PDE4B: variants seen among roughly 807,000 people sequenced by gnomAD.
The protein encoded by PDE4B is phosphodiesterase 4B.
Under a neutral mutation model 82.2 loss-of-function variants are expected in PDE4B, and 20 were observed. The ratio of observed to expected loss-of-function variants is 0.24; its 90% confidence interval spans 0.17 to 0.35. The LOEUF (loss-of-function observed/expected upper bound fraction) is 0.35, where lower values mean the gene tolerates loss of function less well. Ranked by LOEUF, PDE4B falls within the 10% of genes least tolerant of loss-of-function variation. The pLI is 1.00. For missense variants in PDE4B, 655 were observed against 907.2 expected (o/e 0.72, Z 3.57); for synonymous variants, 320 against 318.9 (o/e 1.00, Z -0.04).
At chr1:65,996,562 G>C (rs1038932767) in intron 3 of PDE4B, among the ~76,000 whole-genome samples, 2 of 152,056 alleles carry the variant, frequency 1.3e-5, no homozygotes, top group African/African-American at 4.8e-5. Flanking sequence ...TAGAATGTCT[G>C]CATATGTTAT....
chr1:65,904,583 ATAC>A (rs1242415585), intron 1 of PDE4B, among the ~76,000 whole-genome samples: 1 of 152,022 alleles, frequency 6.6e-6, no homozygotes, highest in African/African-American at 2.4e-5. Context: ...TTGTTCTGAA[ATAC>A]TACTTTTATT....
chr1:65,865,420 G>A (rs944796707), intron 1 of PDE4B, among the ~76,000 whole-genome samples: 13 of 152,062 alleles, frequency 8.5e-5, no homozygotes, highest in African/African-American at 3.1e-4. Context: ...AGGTGCCTCT[G>A]GGGGGTGGCG....
rs560133016 is a variant in PDE4B at position 65,971,603 on chromosome 1, T to A, written c.281+52768T>A. The stretch of plus-strand genomic sequence containing the variant: ...CACATTTGTAGCCACCAGCATAGTT[T>A]GGAGAATGATATGTAGTGGAAGTGA... On this transcript the variant is annotated intron_variant, in intron 3 of 16. Coordinates refer to ENST00000341517, the MANE Select transcript of PDE4B (RefSeq NM_002600.4). Among the ~76,000 whole-genome samples, 11 of 152,310 alleles carry A rather than the reference T, an allele frequency of 7.2e-5. No individual in the cohort carries two copies. In the South Asian group the frequency reaches 2.3e-3, roughly 32 times the overall value.
intron 3 of PDE4B, among the ~76,000 whole-genome samples, chr1:66,233,839 A>T (rs76258499): frequency 1.3e-3 from 200 of 152,112 alleles, no homozygotes; most frequent in Non-Finnish European, 2.5e-3. Context: ...TTTGTCTGTT[A>T]TAACAACCTT....
intron 8 of PDE4B, among the ~76,000 whole-genome samples, chr1:66,343,945 G>A (rs766503834): frequency 2.0e-5 from 3 of 151,728 alleles, no homozygotes; most frequent in Non-Finnish European, 2.9e-5. Context: ...GTATACTTTT[G>A]TATGATGGTG....
chr1:65,861,431 T>C (rs1041437730), intron 1 of PDE4B, among the ~76,000 whole-genome samples: 3 of 152,228 alleles, frequency 2.0e-5, no homozygotes, highest in African/African-American at 7.2e-5. Context: ...ACCAGTACCA[T>C]GCTGTTTTGG....
chr1:66,193,613 G>C (rs1202709583), intron 3 of PDE4B, among the ~76,000 whole-genome samples: 1 of 152,124 alleles, frequency 6.6e-6, no homozygotes, highest in African/African-American at 2.4e-5. Context: ...AGCTTAATGC[G>C]TGAAAAGGAC....
At chr1:66,138,289 T>G (rs188640201) in intron 3 of PDE4B, among the ~76,000 whole-genome samples, 3 of 152,086 alleles carry the variant, frequency 2.0e-5, no homozygotes, top group Non-Finnish European at 4.4e-5. Context: ...GAGGCCAAGG[T>G]GGTTGGATCA....
In PDE4B at chr1:66,365,652, TTA is replaced by T; in HGVS notation, c.1285-13_1285-12del. The T allele has an allele frequency of 3.0e-5, 47 of 1,545,288 alleles. No individual in the cohort carries two copies. The highest frequency in any genetic ancestry group is 4.2e-5 in the Non-Finnish European group (47 of 1,119,490). On this transcript the variant is annotated splice_polypyrimidine_tract_variant and intron_variant, in intron 12 of 16. Coordinates refer to ENST00000341517, the MANE Select transcript of PDE4B (RefSeq NM_002600.4). ...GAATTGGATGTGTAGTTAAATGTGT[TTA>T]TTTGCCCGACAGGCTGTCTTCACAG... is the stretch of plus-strand genomic sequence containing the variant.
At chr1:65,968,988 TC>T (rs1157942436) in intron 3 of PDE4B, among the ~76,000 whole-genome samples, 1 of 152,182 alleles carries the variant, frequency 6.6e-6, no homozygotes, top group African/African-American at 2.4e-5. Flanking sequence ...CTCGTTTTGT[TC>T]CTTTGATCTA....
intron 1 of PDE4B, among the ~76,000 whole-genome samples, chr1:65,798,591 T>C (rs927070424): frequency 6.6e-6 from 1 of 151,420 alleles, no homozygotes; most frequent in Non-Finnish European, 1.5e-5. Context: ...TGACCTCAAG[T>C]GATCCACCTG....
rs560175021 is a variant in PDE4B, at chr1:66,248,042, G to A, written c.476+388G>A. Among the ~76,000 whole-genome samples, 6 of 152,280 alleles carry A rather than the reference G, an allele frequency of 3.9e-5. No individual in the cohort carries two copies. The South Asian group carries it at 1.2e-3, about 32-fold the overall frequency. ...TGAGGCTCCAGCAAAGAGGAAAAAT[G>A]GTGATTGGTTATATGCATGCTGTCT... On this transcript the variant is annotated intron_variant, in intron 4 of 16. Transcript: ENST00000341517.
intron 3 of PDE4B, among the ~76,000 whole-genome samples, chr1:66,106,808 A>T (rs371513856): frequency 1.7e-5 from 2 of 121,056 alleles, no homozygotes; most frequent in Non-Finnish European, 3.7e-5. Flanking sequence ...TTTTTATTGC[A>T]TCTATTTGAT....
chr1:65,992,975 G>A (rs1262109435), intron 3 of PDE4B: 1 of 1,613,848 alleles, frequency 6.2e-7, no homozygotes, highest in African/African-American at 1.3e-5. Flanking sequence ...AGACTTTCAA[G>A]GAGCAAATGC....
At chr1:65,990,233 G>A (rs1214487044) in intron 3 of PDE4B, among the ~76,000 whole-genome samples, 1 of 152,098 alleles carries the variant, frequency 6.6e-6, no homozygotes, top group Non-Finnish European at 1.5e-5. Flanking sequence ...AATTATAATT[G>A]CACTATTGTA....
intron 3 of PDE4B, among the ~76,000 whole-genome samples, chr1:66,132,183 G>A (rs146838954): frequency 6.6e-6 from 1 of 152,242 alleles, no homozygotes; most frequent in East Asian, 1.9e-4. Flanking sequence ...ACTTTAGAGT[G>A]TCCCTGAAAA....
intron 3 of PDE4B, among the ~76,000 whole-genome samples, chr1:66,206,749 C>T (rs1385688156): frequency 6.6e-6 from 1 of 152,094 alleles, no homozygotes; most frequent in Non-Finnish European, 1.5e-5. Context: ...CAGCCAGTCA[C>T]CCATGGAACA....
intron 3 of PDE4B, among the ~76,000 whole-genome samples, chr1:66,074,236 T>G (rs1656305082): frequency 6.6e-6 from 1 of 152,156 alleles, no homozygotes; most frequent in Non-Finnish European, 1.5e-5. Context: ...ATCCAAATGT[T>G]TTCTTGGTCA....
intron 3 of PDE4B, among the ~76,000 whole-genome samples, chr1:65,920,959 CTTTTTTTTTTTTTTT>C (rs71058435): frequency 5.9e-5 from 4 of 68,150 alleles, no homozygotes; most frequent in Non-Finnish European, 8.5e-5. Context: ...AAAAGCATTT[CTTTTTTTTTTTTTTT>C]TTTTTTTTTT....
Sources: gnomAD v4.1 joint callset for allele counts (sites outside exome capture counted in the v4.1 genomes callset) on GRCh38, gnomAD v4.1.1 for gene constraint, MANE v1.5 for transcripts, NCBI Gene and HGNC (gene_info 2026-07-23, HGNC 2026-07-21) for gene names.